Variants in BRAP observed in about 807,000 individuals in gnomAD.
BRAP encodes BRCA1-associated protein.
BRAP carries 42 observed loss-of-function variants against 73.4 expected under a neutral mutation model. That is an observed-to-expected ratio of 0.57 (90% confidence interval 0.45 to 0.74). The LOEUF (loss-of-function observed/expected upper bound fraction) is 0.74. BRAP is among the 30% of genes least tolerant of loss of function. BRAP has a pLI of 0.00. For synonymous variants in BRAP, 255 were observed against 267.4 expected, an observed-to-expected ratio of 0.95 and a Z score of 0.45; for missense variants, 593 against 751.4, an observed-to-expected ratio of 0.79 and a Z score of 2.46.
intron 1 of BRAP, among the ~76,000 whole-genome samples, chr12:111,684,269 T>C (rs768261441): frequency 3.5e-4 from 53 of 152,208 alleles, no homozygotes; most frequent in Non-Finnish European, 6.8e-4. Context: ...AATGACTACA[T>C]GACTGACCCA....
chr12:111,658,682 G>A, intron 9 of BRAP, 54 bp downstream of exon 9: 1 of 1,299,414 alleles, frequency 7.7e-7, no homozygotes, highest in South Asian at 1.3e-5. Context: ...TTTCAAATTA[G>A]AATAGTAAAG....
intron 2 of BRAP, 142 bp from the exon 3 acceptor site, chr12:111,681,977 A>T: frequency 1.3e-6 from 1 of 793,952 alleles, no homozygotes; most frequent in South Asian, 2.3e-5. Flanking sequence ...TTATTTGTAG[A>T]ATAGCTGAGT....
chr12:111,681,326 C>T (rs1281662481), intron 3 of BRAP, among the ~76,000 whole-genome samples: 2 of 151,348 alleles, frequency 1.3e-5, no homozygotes, highest in African/African-American at 2.4e-5. Context: ...TCTGAGATCG[C>T]GCCATTGCAC....
In BRAP at chr12:111,650,936, G is replaced by A. The variant is rs866790022; in HGVS notation, c.1312-894C>T. 3.9e-5 allele frequency among the ~76,000 whole-genome samples: 6 copies of A among 152,034 alleles called. No individual in the cohort carries two copies. In the South Asian group the frequency reaches 6.2e-4, roughly 16 times the overall value. Reference sequence around the variant, plus strand: ...AATTCTGATGTATAACATATCAGACGGCAGCCATCCCAGCCCAGAGTATGT... The same window carrying A: ...AATTCTGATGTATAACATATCAGACAGCAGCCATCCCAGCCCAGAGTATGT... On this transcript the variant is annotated intron_variant, in intron 10 of 11. Transcript: ENST00000419234.
chr12:111,658,855 G>C lies in BRAP; in HGVS notation c.1112-10C>G, dbSNP rs747006229. 3.8e-6 allele frequency: 6 copies of C among 1,585,692 alleles called. No individual in the cohort carries two copies. The East Asian group carries it at 1.1e-4, about 30-fold the overall frequency. ...CGATGAACATAGTTATCTACAGAAA[G>C]AGTCAACAAAAGTGTGTTTCTTTAG... On this transcript the variant is annotated splice_polypyrimidine_tract_variant and intron_variant, in intron 8 of 11. Transcript: ENST00000419234.
intron 10 of BRAP, 52 bp downstream of exon 10, chr12:111,655,514 G>C (rs1886495980): frequency 1.4e-6 from 2 of 1,449,288 alleles, no homozygotes; most frequent in East Asian, 4.5e-5. Flanking sequence ...CCCCCCATCA[G>C]AGTGCCCTGC....
At chr12:111,650,677 G>A (rs1412858808) in intron 10 of BRAP, among the ~76,000 whole-genome samples, 1 of 152,218 alleles carries the variant, frequency 6.6e-6, no homozygotes, top group Non-Finnish European at 1.5e-5. Flanking sequence ...ACAGGCATGA[G>A]CCACTGCGCC....
chr12:111,651,262 G>A (rs1018230428), intron 10 of BRAP, among the ~76,000 whole-genome samples: 18 of 143,496 alleles, frequency 1.3e-4, no homozygotes, highest in African/African-American at 3.6e-4. Flanking sequence ...ATAATAGGCC[G>A]GGCATGATGG....
intron 5 of BRAP, 151 bp downstream of exon 5, chr12:111,672,510 T>C (rs981986427): frequency 3.3e-6 from 2 of 612,242 alleles, no homozygotes; most frequent in Non-Finnish European, 5.5e-6. Context: ...TAGCAGGCAC[T>C]CCCCATTCGT....
chr12:111,655,327 T>C (rs1245641150), intron 10 of BRAP, among the ~76,000 whole-genome samples: 1 of 140,498 alleles, frequency 7.1e-6, no homozygotes, highest in African/African-American at 2.7e-5. Context: ...AAAACCAGAC[T>C]GAGGTTTAAA....
chr12:111,685,450 C>T, intron 1 of BRAP: 1 of 733,368 alleles, frequency 1.4e-6, no homozygotes, highest in African/African-American at 1.8e-5. Context: ...ACTCGACTAT[C>T]TCGAGAGGGA....
intron 6 of BRAP, among the ~76,000 whole-genome samples, chr12:111,661,747 T>C (rs1464228105): frequency 6.6e-6 from 1 of 150,440 alleles, no homozygotes; most frequent in Non-Finnish European, 1.5e-5. Flanking sequence ...AGTCCTGCTC[T>C]GTCACTCAGG....
chr12:111,648,127 G>A (rs1886180431), intron 11 of BRAP, among the ~76,000 whole-genome samples: 2 of 151,232 alleles, frequency 1.3e-5, no homozygotes, highest in Admixed American at 1.3e-4. Flanking sequence ...GTGAAACCCC[G>A]TCTCTACTAA....
chr12:111,667,703 A>AAAAAAAAAAAAAAAAAAAAAAAAC (rs1246637828), intron 5 of BRAP, among the ~76,000 whole-genome samples: 1 of 141,260 alleles, frequency 7.1e-6, no homozygotes, highest in African/African-American at 2.9e-5. Flanking sequence ...CGTCTCAAAA[A>AAAAAAAAAAAAAAAAAAAAAAAAC]AAAAAAAAAA....
chr12:111,672,358 G>A (rs1430672235), intron 5 of BRAP, among the ~76,000 whole-genome samples: 1 of 151,814 alleles, frequency 6.6e-6, no homozygotes, highest in Non-Finnish European at 1.5e-5. Flanking sequence ...TGAAATTTTA[G>A]AAAATGAGAT....
chr12:111,650,216 G>A (rs1369145539), intron 10 of BRAP, among the ~76,000 whole-genome samples, 174 bp from the exon 11 acceptor site: 1 of 152,114 alleles, frequency 6.6e-6, no homozygotes, highest in Admixed American at 6.6e-5. Context: ...GAAAAGGTGA[G>A]GTAATCATTT....
chr12:111,670,123 T>C, intron 5 of BRAP: 1 of 617,568 alleles, frequency 1.6e-6, no homozygotes, highest in South Asian at 1.4e-5. Flanking sequence ...CCAAGTTTGA[T>C]GGATATTGTT....
Position 111,665,550 on chromosome 12 carries a change from G to T in BRAP, c.896+89C>A. 1 of 1,524,578 alleles carries T rather than the reference G, an allele frequency of 6.6e-7. No homozygotes were observed. The highest frequency in any genetic ancestry group is 8.9e-7 in the Non-Finnish European group (1 of 1,118,724). The allele number at this position is 1,524,578 out of a possible 1,614,324, so 94.4% of individuals were successfully genotyped here. ...ACCTCTTGAATAAAGTCAAATACTT[G>T]GAATGGTTCATTTCTGCTGGTGGCT... On this transcript the variant is annotated intron_variant, in intron 6 of 11. Coordinates refer to ENST00000419234, the MANE Select transcript of BRAP (RefSeq NM_006768.5). The surrounding 1 kb of genome is among the most constrained non-coding windows in gnomAD (Gnocchi z 4.3).
chr12:111,677,856 T>A (rs1592996241), intron 4 of BRAP, among the ~76,000 whole-genome samples: 2 of 152,220 alleles, frequency 1.3e-5, no homozygotes, highest in Non-Finnish European at 2.9e-5. Context: ...ATGGGGTACT[T>A]TGTAAACAGA....
Sources: gnomAD v4.1 joint callset for allele counts (sites outside exome capture counted in the v4.1 genomes callset) on GRCh38, gnomAD v4.1.1 for gene constraint, Gnocchi (gnomAD v3.1) non-coding constraint, MANE v1.5 for transcripts, NCBI Gene and HGNC (gene_info 2026-07-23, HGNC 2026-07-21) for gene names.